FHIT: variants seen among roughly 807,000 people sequenced by gnomAD.
The protein encoded by FHIT is bis(5'-adenosyl)-triphosphatase.
FHIT carries 19 observed loss-of-function variants against 17.9 expected under a neutral mutation model. That is an observed-to-expected ratio of 1.06 (90% CI 0.74 to 1.56). The LOEUF (loss-of-function observed/expected upper bound fraction) is 1.56. Among genes scored for constraint, FHIT ranks in the 40% most tolerant of loss-of-function variants. The pLI, the probability that FHIT is intolerant of heterozygous loss-of-function variation, is 0.00. For synonymous variants in FHIT, 81 were observed against 69.7 expected (o/e 1.16, Z -0.81); for missense variants, 248 against 189.2 (o/e 1.31, Z -1.82).
intron 1 of FHIT, among the ~76,000 whole-genome samples, chr3:61,226,901 C>T (rs2039985110): frequency 1.3e-5 from 2 of 152,210 alleles, no homozygotes; most frequent in South Asian, 2.1e-4. Context: ...AAAACAGACA[C>T]AGCCCCTGCC....
chr3:60,097,607 G>C (rs1002037591), intron 5 of FHIT, among the ~76,000 whole-genome samples: 2 of 151,940 alleles, frequency 1.3e-5, no homozygotes, highest in African/African-American at 2.4e-5. Flanking sequence ...AGGATGAAAA[G>C]TCTTTACAAT....
intron 5 of FHIT, among the ~76,000 whole-genome samples, chr3:60,156,485 A>G (rs1248362664): frequency 1.3e-5 from 2 of 152,160 alleles, no homozygotes; most frequent in Non-Finnish European, 2.9e-5. Flanking sequence ...GCAGCGGTTC[A>G]CACCTGGAAT....
rs184194262 is a variant in FHIT, at chr3:60,949,450, A to G, written c.-111+92597T>C. 2.1e-3 allele frequency among the ~76,000 whole-genome samples: 317 copies of G among 152,322 alleles called. 1 individual carries two copies. Among genetic ancestry groups the G allele is most frequent in the African/African-American group, 7.4e-3 (309 of 41,568 alleles). ...CAACGCCAAGGGAAAGTATATTTTT[A>G]GGCATGAGGGATTCTGAAAATGAAC... is the stretch of plus-strand genomic sequence containing the variant. On this transcript the variant is annotated intron_variant, in intron 3 of 9. Transcript: ENST00000492590.
chr3:60,077,018 A>G (rs1357533360), intron 5 of FHIT, among the ~76,000 whole-genome samples: 53 of 152,112 alleles, frequency 3.5e-4, no homozygotes, highest in Non-Finnish European at 2.8e-4. Context: ...ATCTATTTAT[A>G]AGAAATAACT....
chr3:60,407,067 A>ATTTTTTTTTT (rs34542104), intron 5 of FHIT, among the ~76,000 whole-genome samples: 4 of 62,902 alleles, frequency 6.4e-5, no homozygotes, highest in Admixed American at 2.3e-4. Context: ...CCTGCCAATA[A>ATTTTTTTTTT]TTTTTTTTTT....
intron 5 of FHIT, among the ~76,000 whole-genome samples, chr3:60,372,831 T>C (rs1268466596): frequency 6.6e-6 from 1 of 152,172 alleles, no homozygotes; most frequent in Non-Finnish European, 1.5e-5. Flanking sequence ...GTACTTCCTC[T>C]GAAATTAAAG....
At chr3:59,981,453 G>C (rs1271700653) in intron 7 of FHIT, among the ~76,000 whole-genome samples, 1 of 152,114 alleles carries the variant, frequency 6.6e-6, no homozygotes, top group Non-Finnish European at 1.5e-5. Flanking sequence ...TGCTGCCCTT[G>C]AACTGTGCTC....
chr3:60,088,019 C>G (rs1232052037), intron 5 of FHIT, among the ~76,000 whole-genome samples: 2 of 152,144 alleles, frequency 1.3e-5, no homozygotes, highest in East Asian at 3.9e-4. Context: ...GATTGAATAT[C>G]TGCATCTGCT....
chr3:60,154,137 C>G (rs537897587), intron 5 of FHIT, among the ~76,000 whole-genome samples: 19 of 152,322 alleles, frequency 1.2e-4, no homozygotes, highest in Admixed American at 2.0e-4. Flanking sequence ...GCCTAGTGTT[C>G]CATTACTGGA....
intron 4 of FHIT, among the ~76,000 whole-genome samples, chr3:60,604,301 C>T (rs554014731): frequency 2.0e-4 from 31 of 152,182 alleles, no homozygotes; most frequent in South Asian, 1.9e-3. Flanking sequence ...AGCAGGACTC[C>T]GACCAAGAAG....
At chr3:60,547,163 G>A (rs2036394355) in intron 4 of FHIT, among the ~76,000 whole-genome samples, 1 of 152,162 alleles carries the variant, frequency 6.6e-6, no homozygotes, top group African/African-American at 2.4e-5. Context: ...TTTCAGATAA[G>A]TAAAATTGCT....
intron 8 of FHIT, among the ~76,000 whole-genome samples, chr3:59,842,192 G>A (rs541587798): frequency 6.6e-6 from 1 of 152,158 alleles, no homozygotes; most frequent in African/African-American, 2.4e-5. Context: ...ATTGCACTTA[G>A]CACAATGTCC....
chr3:60,546,200 G>C (rs1464091453), intron 4 of FHIT, among the ~76,000 whole-genome samples: 1 of 151,938 alleles, frequency 6.6e-6, no homozygotes, highest in Non-Finnish European at 1.5e-5. Context: ...TATTCTTTGA[G>C]CTTATTTCAG....
chr3:61,186,351 C>A (rs1310820114), intron 2 of FHIT, among the ~76,000 whole-genome samples: 1 of 152,162 alleles, frequency 6.6e-6, no homozygotes, highest in Non-Finnish European at 1.5e-5. Flanking sequence ...ACCAGGTAGA[C>A]CTTGTGCCCT....
intron 5 of FHIT, among the ~76,000 whole-genome samples, chr3:60,203,724 G>GA (rs1703025678): frequency 2.6e-5 from 4 of 151,944 alleles, no homozygotes; most frequent in Non-Finnish European, 2.9e-5. Context: ...ATTTGATTTA[G>GA]AAAAAAATGC....
intron 8 of FHIT, among the ~76,000 whole-genome samples, chr3:59,845,001 T>C (rs945163603): frequency 2.6e-5 from 4 of 152,192 alleles, no homozygotes; most frequent in Admixed American, 6.6e-5. Context: ...TCAGTGTTCA[T>C]GACTTAGTCT....
rs544433243 is a variant in FHIT, at chr3:60,776,769, G to A, written c.-18+45150C>T. 1.3e-5 allele frequency among the ~76,000 whole-genome samples: 2 copies of A among 152,320 alleles called. 1 individual carries two copies. Among genetic ancestry groups the A allele is most frequent in the Admixed American group, 1.3e-4 (2 of 15,302 alleles). ...TTTACATGCAAGGTGTATGAGAACAGTAAAATGTGTTTTTCAGTAAAAGGT... is the reference window on the plus strand; with the variant it reads ...TTTACATGCAAGGTGTATGAGAACAATAAAATGTGTTTTTCAGTAAAAGGT... On this transcript the variant is annotated intron_variant, in intron 4 of 9. Transcript: ENST00000492590.
At chr3:60,599,028 G>T (rs1419489726) in intron 4 of FHIT, among the ~76,000 whole-genome samples, 3 of 152,160 alleles carry the variant, frequency 2.0e-5, no homozygotes, top group African/African-American at 7.2e-5. Flanking sequence ...CTGTTAAAAT[G>T]TATTAATGTG....
In FHIT at chr3:60,449,848, C is replaced by T. The variant is rs546213946; in HGVS notation, c.103+87012G>A. 6.6e-5 allele frequency among the ~76,000 whole-genome samples: 10 copies of T among 151,618 alleles called. No individual in the cohort carries two copies. In the South Asian group the frequency reaches 1.5e-3, roughly 22 times the overall value. On this transcript the variant is annotated intron_variant, in intron 5 of 9. Coordinates refer to ENST00000492590, the MANE Select transcript of FHIT (RefSeq NM_002012.4). ...TGAAACCCCATCTCTACTAAAAATA[C>T]GAAAATTAGCTAGGTCTGGTGGCAC...
Sources: allele counts gnomAD v4.1 joint callset (sites outside exome capture counted in the v4.1 genomes callset), GRCh38; gene constraint gnomAD v4.1.1; transcripts MANE v1.5; gene names NCBI Gene and HGNC (gene_info 2026-07-23, HGNC 2026-07-21).